Variants in ULK4 observed in about 807,000 individuals in gnomAD.
ULK4 encodes the protein inactive serine/threonine-protein kinase ULK4.
A neutral mutation model predicts 160.6 loss-of-function variants in ULK4; 133 were observed. The observed-to-expected ratio is 0.83, with a 90% CI of 0.72 to 0.96. The LOEUF (loss-of-function observed/expected upper bound fraction) is 0.96, where lower values mean the gene tolerates loss of function less well. Ranked by LOEUF, ULK4 falls within the 40% of genes least tolerant of loss-of-function variation. The pLI is 0.00. For missense variants in ULK4, 1,580 were observed against 1,499.5 expected, an observed-to-expected ratio of 1.05 and a Z score of -0.89; for synonymous variants, 534 against 539.8, an observed-to-expected ratio of 0.99 and a Z score of 0.15.
At position 41,431,547 on chromosome 3, in the gene ULK4, C is replaced by CCTTTTTTTTTTTTTTTTTTTTTT. The variant is rs563543377; in HGVS notation, c.3492+23949_3492+23950insAAAAAAAAAAAAAAAAAAAAAAG. On this transcript the variant is annotated intron_variant, in intron 34 of 36. Coordinates refer to ENST00000301831, the MANE Select transcript of ULK4 (RefSeq NM_017886.4). ...CCTGTGAGGTGTTGTAATTCCCTCC[C>CCTTTTTTTTTTTTTTTTTTTTTT]TTTTTTTTTTTTTTTGATGTGGAAA... Among the ~76,000 whole-genome samples the CCTTTTTTTTTTTTTTTTTTTTTT allele has an allele frequency of 2.1e-3, 198 of 95,852 alleles. 7 individuals are homozygous for CCTTTTTTTTTTTTTTTTTTTTTT. The highest frequency in any genetic ancestry group is 5.6e-3 in the Middle Eastern group (1 of 178). 62.9% of individuals were successfully genotyped at this position (95,852 alleles called of 152,430 possible). A position where few individuals can be genotyped will look rare whatever the true frequency, so the allele number is the denominator to read the frequency against.
chr3:41,534,865 G>T (rs1405083628), intron 32 of ULK4, among the ~76,000 whole-genome samples: 3 of 152,100 alleles, frequency 2.0e-5, no homozygotes, highest in Admixed American at 1.3e-4. Flanking sequence ...AAAGTTAATT[G>T]ACACAGTAAG....
chr3:41,475,790 A>T (rs1044843563), intron 32 of ULK4, among the ~76,000 whole-genome samples: 1 of 152,070 alleles, frequency 6.6e-6, no homozygotes, highest in African/African-American at 2.4e-5. Flanking sequence ...TCCATGTTGC[A>T]TTTTCCCACA....
At chr3:41,759,133 TG>T (rs879763368) in intron 21 of ULK4, among the ~76,000 whole-genome samples, 2 of 152,138 alleles carry the variant, frequency 1.3e-5, no homozygotes, top group Non-Finnish European at 2.9e-5. Context: ...AAAGCAAGGA[TG>T]TTCATTCTCT....
intron 33 of ULK4, among the ~76,000 whole-genome samples, chr3:41,458,523 T>C (rs555562070): frequency 6.6e-6 from 1 of 152,140 alleles, no homozygotes; most frequent in Non-Finnish European, 1.5e-5. Flanking sequence ...GCCTGTCAAT[T>C]TCTGGGCCAT....
At chr3:41,372,445 T>A (rs1357826518) in intron 35 of ULK4, among the ~76,000 whole-genome samples, 2 of 152,178 alleles carry the variant, frequency 1.3e-5, no homozygotes, top group African/African-American at 2.4e-5. Context: ...ACAGCAGATA[T>A]CTCTGCAGAA....
chr3:41,813,817 G>A (rs2125623095), intron 19 of ULK4, among the ~76,000 whole-genome samples: 1 of 152,334 alleles, frequency 6.6e-6, no homozygotes, highest in South Asian at 2.1e-4. Context: ...GGCAACGTGT[G>A]TGGAACAGAA....
intron 32 of ULK4, among the ~76,000 whole-genome samples, chr3:41,485,858 C>T (rs1478277949): frequency 6.6e-6 from 1 of 152,132 alleles, no homozygotes; most frequent in East Asian, 1.9e-4. Context: ...CTTCTAAATG[C>T]TCACTTAAAT....
At chr3:41,762,848 G>C (rs1337570890) in intron 21 of ULK4, among the ~76,000 whole-genome samples, 2 of 151,884 alleles carry the variant, frequency 1.3e-5, no homozygotes, top group African/African-American at 4.8e-5. Flanking sequence ...TGTATTTTTA[G>C]TAGAGACAGG....
At chr3:41,759,766 T>C (rs146690041) in intron 21 of ULK4, among the ~76,000 whole-genome samples, 7 of 152,276 alleles carry the variant, frequency 4.6e-5, no homozygotes, top group South Asian at 2.1e-4. Flanking sequence ...GACAAAATGA[T>C]AGACACATAG....
intron 18 of ULK4, among the ~76,000 whole-genome samples, chr3:41,825,031 G>C (rs947907397): frequency 3.3e-5 from 5 of 152,180 alleles, no homozygotes; most frequent in African/African-American, 4.8e-5. Flanking sequence ...TGCAGCCTCC[G>C]CTGCTGATAC....
chr3:41,937,465 A>T, intron 3 of ULK4: 1 of 573,566 alleles, frequency 1.7e-6, no homozygotes, highest in Non-Finnish European at 3.1e-6. Context: ...TCAATATTCA[A>T]TTATCCTTTA....
chr3:41,812,937 C>A (rs1165483524), intron 19 of ULK4, among the ~76,000 whole-genome samples: 8 of 152,194 alleles, frequency 5.3e-5, no homozygotes, highest in Admixed American at 3.9e-4. Context: ...ACTCCACAAT[C>A]CACACAGAAG....
At chr3:41,282,380 T>C (rs372005137) in intron 35 of ULK4, among the ~76,000 whole-genome samples, 3 of 152,138 alleles carry the variant, frequency 2.0e-5, no homozygotes, top group Non-Finnish European at 4.4e-5. Flanking sequence ...GGAGGCATCA[T>C]GCTACCTGAC....
chr3:41,665,722 AT>A (rs1056597477), intron 29 of ULK4, among the ~76,000 whole-genome samples: 2 of 152,230 alleles, frequency 1.3e-5, no homozygotes, highest in African/African-American at 4.8e-5. Context: ...GATAATAAAA[AT>A]GTCTGATAAA....
chr3:41,641,832 T>TA (rs200237320), intron 30 of ULK4, among the ~76,000 whole-genome samples: 88 of 142,304 alleles, frequency 6.2e-4, no homozygotes, highest in Non-Finnish European at 1.1e-3. Context: ...AAAATGCAAG[T>TA]AAAAAAAAAA....
intron 34 of ULK4, among the ~76,000 whole-genome samples, chr3:41,414,160 C>T (rs961466567): frequency 1.3e-5 from 2 of 152,226 alleles, no homozygotes; most frequent in Non-Finnish European, 2.9e-5. Flanking sequence ...GAGATCGTGC[C>T]ATTGCACTCC....
intron 30 of ULK4, among the ~76,000 whole-genome samples, chr3:41,653,666 A>G (rs1043879402): frequency 2.6e-5 from 4 of 152,178 alleles, no homozygotes; most frequent in Non-Finnish European, 1.5e-5. Context: ...AGAAGTAAGT[A>G]TTTTAGGCTT....
intron 34 of ULK4, among the ~76,000 whole-genome samples, chr3:41,447,083 CAAAAAAAAAAAA>C (rs756911141): frequency 1.9e-5 from 1 of 53,674 alleles, no homozygotes; most frequent in African/African-American, 7.8e-5. Context: ...GACTCTGTCT[CAAAAAAAAAAAA>C]AAAAAAAAAA....
intron 34 of ULK4, among the ~76,000 whole-genome samples, chr3:41,431,578 GCTTA>G (rs1460935299): frequency 5.8e-5 from 3 of 51,320 alleles, no homozygotes; most frequent in Non-Finnish European, 1.1e-4. Context: ...GGAAAGAGAG[GCTTA>G]CTAACTTGCT....
Sources: gnomAD v4.1 joint callset for allele counts (sites outside exome capture counted in the v4.1 genomes callset) on GRCh38, gnomAD v4.1.1 for gene constraint, MANE v1.5 for transcripts, NCBI Gene and HGNC (gene_info 2026-07-23, HGNC 2026-07-21) for gene names.